COL5A1: variants seen among roughly 807,000 people sequenced by gnomAD.
The protein encoded by COL5A1 is collagen alpha-1(V) chain.
Under a neutral mutation model 263.7 loss-of-function variants are expected in COL5A1, and 16 were observed. The ratio of observed to expected loss-of-function variants is 0.06; its 90% confidence interval spans 0.04 to 0.09. The LOEUF (loss-of-function observed/expected upper bound fraction) is 0.09. Ranked by LOEUF, COL5A1 falls within the 10% of genes least tolerant of loss-of-function variation. The pLI, the probability that COL5A1 is intolerant of heterozygous loss-of-function variation, is 1.00. For missense variants in COL5A1, 2,036 were observed against 2,540.5 expected (o/e 0.80, Z 4.27); for synonymous variants, 1,012 against 1,004.5 (o/e 1.01, Z -0.14).
At chr9:134,679,797 C>T (rs909881292) in intron 1 of COL5A1, among the ~76,000 whole-genome samples, 7 of 151,910 alleles carry the variant, frequency 4.6e-5, no homozygotes, top group Non-Finnish European at 7.4e-5. Flanking sequence ...CGGTGCTCTC[C>T]GGTGGTCAGA....
intron 1 of COL5A1, among the ~76,000 whole-genome samples, chr9:134,664,102 C>A (rs1326557926): frequency 6.6e-6 from 1 of 152,222 alleles, no homozygotes; most frequent in Non-Finnish European, 1.5e-5. Context: ...TAAAGACAGC[C>A]TGTCATGTTG....
At chr9:134,692,345 A>T (rs1203432334) in intron 2 of COL5A1, among the ~76,000 whole-genome samples, 2 of 152,138 alleles carry the variant, frequency 1.3e-5, no homozygotes, top group African/African-American at 4.8e-5. Context: ...CCCGCAAAGG[A>T]CTGCAGCGGT....
rs1831303218 is a variant in COL5A1, at chr9:134,641,994, G to T, written c.-194G>T. ...GGGCCAAAGTCGAGCCCTCCCGCCC[G>T]TGGGCGAGCGCGCCAGCCGCCCCTT... is the stretch of plus-strand genomic sequence containing the variant. On this transcript the variant is annotated 5_prime_UTR_variant, in exon 1 of 66. Transcript: ENST00000371817. 3 of 463,614 alleles carry T rather than the reference G, an allele frequency of 6.5e-6. No homozygotes were observed. The highest frequency in any genetic ancestry group is 7.1e-5 in the East Asian group (2 of 28,026). 28.7% of individuals were successfully genotyped at this position (463,614 alleles called of 1,614,324 possible). A position where few individuals can be genotyped will look rare whatever the true frequency, so the allele number is the denominator to read the frequency against.
intron 1 of COL5A1, among the ~76,000 whole-genome samples, chr9:134,662,658 C>T (rs531974390): frequency 6.6e-5 from 10 of 152,352 alleles, no homozygotes; most frequent in African/African-American, 2.4e-4. Flanking sequence ...TCTCCACCCT[C>T]ATGCTCTGCA....
chr9:134,727,086 C>G (rs553990379), intron 4 of COL5A1, among the ~76,000 whole-genome samples, 180 bp from the exon 5 acceptor site: 2 of 101,924 alleles, frequency 2.0e-5, no homozygotes, highest in Non-Finnish European at 4.5e-5. Context: ...GATGGGCCAG[C>G]CTAGCTTGAG....
rs981005823 is a variant in COL5A1, at chr9:134,794,014, C to T, written c.2701-1068C>T. ...ATGGCCTCCAGCCATACAGATCCAC[C>T]TTGGGCGGAGCATCAGAAACCAGTC... is the stretch of plus-strand genomic sequence containing the variant. On this transcript the variant is annotated intron_variant, in intron 32 of 65. Transcript: ENST00000371817. The surrounding 1 kb of genome is among the most constrained non-coding windows in gnomAD (Gnocchi z 4.3). Among the ~76,000 whole-genome samples, 2 of 152,194 alleles carry T rather than the reference C, an allele frequency of 1.3e-5. No individual in the cohort carries two copies. The highest frequency in any genetic ancestry group is 4.8e-5 in the African/African-American group (2 of 41,444).
At position 134,676,089 on chromosome 9, in the gene COL5A1, G is replaced by T. The variant is rs531569107; in HGVS notation, c.110-14823G>T. On this transcript the variant is annotated intron_variant, in intron 1 of 65. Coordinates refer to ENST00000371817, the MANE Select transcript of COL5A1 (RefSeq NM_000093.5). ...AACAAAATTATGCCAGTTGTATGTG[G>T]CTAAGTATTTACACAATTTTTATGA... Among the ~76,000 whole-genome samples, 17 of 152,182 alleles carry T rather than the reference G, an allele frequency of 1.1e-4. No homozygotes were observed. The South Asian group carries it at 3.3e-3, about 30-fold the overall frequency.
Position 134,802,975 on chromosome 9 carries a change from G to A in COL5A1, c.3094G>A (p.Ala1032Thr). The change falls in exon 39 of 66, where the codon GCT (alanine) becomes ACT (threonine). Residue 1032 changes from alanine to threonine, a missense_variant. This residue lies in a region of COL5A1 where 1,078 missense variants were observed against 1,521.4 expected (regional missense o/e 0.71). Coordinates refer to ENST00000371817, the MANE Select transcript of COL5A1 (RefSeq NM_000093.5). The part of the protein sequence containing the change: ...PPGEQGLPGL[A>T]GKEGTKGDPG... ...CGGTGAACAGGGGCTTCCGGGCCTT[G>A]CTGGAAAAGAAGGGACGAAGGTGAG... 6.2e-7 allele frequency: 1 copy of A among 1,607,012 alleles called. No homozygotes were observed. The highest frequency in any genetic ancestry group is 8.5e-7 in the Non-Finnish European group (1 of 1,177,358).
In COL5A1 at chr9:134,766,540, T is replaced by C. The variant is rs1209914507; in HGVS notation, c.2133+42T>C. On this transcript the variant is annotated intron_variant, in intron 22 of 65. Transcript: ENST00000371817. ...CCGTGGCCTGGCTTCAGGGGCACTT[T>C]CCCTGGGCACACTCCTTGCCTGGCT... The C allele has an allele frequency of 2.5e-6, 4 of 1,596,558 alleles. No individual in the cohort carries two copies. In the African/African-American group the frequency reaches 4.0e-5, roughly 16 times the overall value.
chr9:134,787,959 TAG>T (rs1036383064), intron 31 of COL5A1, among the ~76,000 whole-genome samples: 1 of 151,984 alleles, frequency 6.6e-6, no homozygotes, highest in African/African-American at 2.4e-5. Context: ...ATTTATTGAG[TAG>T]AGAGGATGGA....
intron 57 of COL5A1, among the ~76,000 whole-genome samples, chr9:134,819,315 C>T (rs1838898647): frequency 6.6e-6 from 1 of 152,256 alleles, no homozygotes; most frequent in African/African-American, 2.4e-5. Flanking sequence ...TCCAGCTAGG[C>T]ACAGAGGCCC....
intron 1 of COL5A1, among the ~76,000 whole-genome samples, chr9:134,664,506 A>G (rs1272911765): frequency 6.6e-6 from 1 of 152,246 alleles, no homozygotes; most frequent in Non-Finnish European, 1.5e-5. Flanking sequence ...AAGTCCAGCA[A>G]ACAAACACCA....
At chr9:134,745,592 C>T (rs544787178) in intron 11 of COL5A1, among the ~76,000 whole-genome samples, 75 of 152,254 alleles carry the variant, frequency 4.9e-4, no homozygotes, top group African/African-American at 8.2e-4. Context: ...GATAGGGCCC[C>T]GCTTCCAGTC....
In COL5A1 at chr9:134,766,858, G is replaced by A. The variant is rs762114788; in HGVS notation, c.2134-142G>A. 1.8e-4 allele frequency: 146 copies of A among 833,536 alleles called. 1 individual carries two copies. Among genetic ancestry groups the A allele is most frequent in the Admixed American group, 5.8e-4 (29 of 49,904 alleles). 51.6% of individuals were successfully genotyped at this position (833,536 alleles called of 1,614,324 possible). A position where few individuals can be genotyped will look rare whatever the true frequency, so the allele number is the denominator to read the frequency against. On this transcript the variant is annotated intron_variant, in intron 22 of 65. Coordinates refer to ENST00000371817, the MANE Select transcript of COL5A1 (RefSeq NM_000093.5). ...GGGGCTGCTCTCTGTGGTGGGACCC[G>A]GCCGCCTTTCCCTTCCCGCTGGCAT... is the stretch of plus-strand genomic sequence containing the variant.
intron 1 of COL5A1, among the ~76,000 whole-genome samples, chr9:134,664,255 T>C (rs948857860): frequency 6.6e-6 from 1 of 152,110 alleles, no homozygotes; most frequent in African/African-American, 2.4e-5. Context: ...AATGAAACCA[T>C]AAAACTACTA....
Position 134,803,134 on chromosome 9 carries a change from C to T in COL5A1, c.3114+139C>T, listed in dbSNP as rs147471504. 245 of 774,288 alleles carry T rather than the reference C, an allele frequency of 3.2e-4. 1 individual carries two copies. Among genetic ancestry groups the T allele is most frequent in the African/African-American group, 3.1e-3 (180 of 58,148 alleles). The allele number at this position is 774,288 out of a possible 1,614,324, so 48.0% of individuals were successfully genotyped here. A position where few individuals can be genotyped will look rare whatever the true frequency, so the allele number is the denominator to read the frequency against. ...TCTCATGCCGGTTCACTCCCCAGAC[C>T]GCACGTTTTGCTCACTTTTCCTTGA... On this transcript the variant is annotated intron_variant, in intron 39 of 65. Coordinates refer to ENST00000371817, the MANE Select transcript of COL5A1 (RefSeq NM_000093.5).
chr9:134,816,852 G>C (rs1236920770), intron 52 of COL5A1, among the ~76,000 whole-genome samples, 174 bp from the exon 53 acceptor site: 1 of 152,232 alleles, frequency 6.6e-6, no homozygotes, highest in Non-Finnish European at 1.5e-5. Context: ...TCCTTACGCT[G>C]TCACAGCCCG....
chr9:134,773,130 C>G (rs1327179290), intron 26 of COL5A1, among the ~76,000 whole-genome samples: 1 of 143,214 alleles, frequency 7.0e-6, no homozygotes, highest in Non-Finnish European at 1.5e-5. Flanking sequence ...GGCAGTGTCT[C>G]CGTGTTCAGC....
intron 44 of COL5A1, among the ~76,000 whole-genome samples, chr9:134,810,749 C>A (rs1838491810): frequency 6.6e-6 from 1 of 152,204 alleles, no homozygotes; most frequent in South Asian, 2.1e-4. Context: ...GCTACCAGCT[C>A]CCTCCCGATG....
Sources: gnomAD v4.1 joint callset for allele counts (sites outside exome capture counted in the v4.1 genomes callset) on GRCh38, gnomAD v4.1.1 for gene constraint, gnomAD v4.1.1 regional missense constraint, Gnocchi (gnomAD v3.1) non-coding constraint, MANE v1.5 for transcripts, NCBI Gene and HGNC (gene_info 2026-07-23, HGNC 2026-07-21) for gene names.